Variants in TEX15 observed in about 807,000 individuals in gnomAD.
The protein encoded by TEX15 is testis-expressed protein 15.
TEX15 carries 171 observed loss-of-function variants against 237.3 expected under a neutral mutation model. The ratio of observed to expected loss-of-function variants is 0.72; its 90% CI spans 0.64 to 0.82. TEX15 has a LOEUF of 0.82. Among genes scored for constraint, TEX15 ranks in the 40% least tolerant of loss-of-function variants. The pLI is 0.00. For missense variants in TEX15, 3,750 were observed against 3,646.5 expected (o/e 1.03, Z -0.73); for synonymous variants, 1,338 against 1,269.8 (o/e 1.05, Z -1.14).
intron 9 of TEX15, among the ~76,000 whole-genome samples, chr8:30,838,270 T>A (rs895289271): frequency 5.9e-5 from 9 of 152,180 alleles, no homozygotes; most frequent in Middle Eastern, 3.2e-3. Context: ...GATGATATGC[T>A]CTACATTTTA....
At chr8:30,881,610 C>T (rs1453024046) in intron 3 of TEX15, among the ~76,000 whole-genome samples, 6 of 109,456 alleles carry the variant, frequency 5.5e-5, no homozygotes, top group African/African-American at 2.6e-4. Context: ...TCCATCTTGA[C>T]TTTTTATTTT....
intron 4 of TEX15, among the ~76,000 whole-genome samples, chr8:30,869,321 G>A (rs1311826933): frequency 4.0e-5 from 6 of 151,880 alleles, no homozygotes; most frequent in Admixed American, 1.3e-4. Flanking sequence ...TTGAAACTGT[G>A]CCCCCAAGAA....
At chr8:30,838,906 C>T (rs1807381423) in intron 9 of TEX15, among the ~76,000 whole-genome samples, 1 of 149,654 alleles carries the variant, frequency 6.7e-6, no homozygotes, top group South Asian at 2.1e-4. Context: ...ACCTCCGCCT[C>T]CCAAGTTCAA....
intron 3 of TEX15, among the ~76,000 whole-genome samples, chr8:30,878,902 C>T (rs1377887900): frequency 6.6e-6 from 1 of 152,180 alleles, no homozygotes; most frequent in Non-Finnish European, 1.5e-5. Context: ...AATGGCAATA[C>T]ACAAGTGAGT....
At chr8:30,889,182 T>A (rs1808730284) in intron 2 of TEX15, among the ~76,000 whole-genome samples, 2 of 152,216 alleles carry the variant, frequency 1.3e-5, no homozygotes. Flanking sequence ...ATACTGTCTT[T>A]AACTACAGTT....
intron 10 of TEX15, 77 bp downstream of exon 10, chr8:30,836,726 T>G (rs1163868520): frequency 3.1e-6 from 4 of 1,292,948 alleles, no homozygotes; most frequent in Non-Finnish European, 4.3e-6. Flanking sequence ...CATCACTTAC[T>G]GTGAATTTCA....
chr8:30,870,572 AAAATT>A (rs1235390314), intron 4 of TEX15, among the ~76,000 whole-genome samples: 2 of 152,112 alleles, frequency 1.3e-5, no homozygotes, highest in Admixed American at 6.6e-5. Flanking sequence ...CAAAGAAAAT[AAAATT>A]ATTTCTTTGG....
rs750747189 is a variant in TEX15 at position 30,843,374 on chromosome 8, A to G, written c.6793T>C (p.Tyr2265His). 1 of 1,612,936 alleles carries G rather than the reference A, an allele frequency of 6.2e-7. No individual in the cohort carries two copies. The highest frequency in any genetic ancestry group is 8.5e-7 in the Non-Finnish European group (1 of 1,179,680). The stretch of plus-strand genomic sequence containing the variant: ...TCAAAAAAGATATGTTCCAGACCAT[A>G]AAGAGATATTTTAACACGTACTGCC... ...NEAVRVKISL[Y>H]GLEHIFFDAA... The change falls in exon 8 of 11, where the codon TAT (tyrosine) becomes CAT (histidine). Residue 2265 changes from tyrosine (Y) to histidine (H), a missense_variant. Coordinates refer to ENST00000643185, the MANE Select transcript of TEX15 (RefSeq NM_001350162.2).
In TEX15 at chr8:30,867,457, T is replaced by C; in HGVS notation, c.348A>G (p.Glu116=). The change falls in exon 5 of 11, where the codon GAA becomes GAG. Residue 116 remains glutamate (E), a synonymous_variant. Transcript: ENST00000643185. The part of the protein sequence containing the change: ...ESGRHCRELE[E]QFCFLALPQS... The stretch of plus-strand genomic sequence containing the variant: ...GGGGAAGTGCTAAAAAGCAGAACTG[T>C]TCTTCAAGTTCCCTGCAATGTCTTC... 2 of 1,534,666 alleles carry C rather than the reference T, an allele frequency of 1.3e-6. No individual in the cohort carries two copies. Among genetic ancestry groups the C allele is most frequent in the Non-Finnish European group, 1.7e-6 (2 of 1,145,932 alleles).
intron 1 of TEX15, among the ~76,000 whole-genome samples, chr8:30,901,573 T>C (rs554082135): frequency 1.6e-3 from 245 of 152,296 alleles, no homozygotes; most frequent in African/African-American, 5.4e-3. Context: ...GGAAATTGTA[T>C]GGGAGTACAG....
rs748586725 is a variant in TEX15 at position 30,846,871 on chromosome 8, C to G, written c.3296G>C (p.Arg1099Pro). ...TGCTAACAGACCTTCCCAACTGATA[C>G]GAGACTTCAGAGCCTTATATGAGGT... ...FVTSYKALKS[R>P]ISWEGLLALD... Residue 1099 changes from arginine to proline, a missense_variant, in exon 8 of 11, where the codon CGT becomes CCT. Coordinates refer to ENST00000643185, the MANE Select transcript of TEX15 (RefSeq NM_001350162.2). The G allele has an allele frequency of 1.2e-6, 2 of 1,613,842 alleles. No homozygotes were observed. Among genetic ancestry groups the G allele is most frequent in the Non-Finnish European group, 1.7e-6 (2 of 1,179,820 alleles).
At chr8:30,868,846 G>T (rs1808229634) in intron 4 of TEX15, among the ~76,000 whole-genome samples, 1 of 150,584 alleles carries the variant, frequency 6.6e-6, no homozygotes. Flanking sequence ...GTGGCACCAG[G>T]GATATTTTGG....
chr8:30,908,304 C>T (rs1399670731), intron 1 of TEX15, among the ~76,000 whole-genome samples: 1 of 152,154 alleles, frequency 6.6e-6, no homozygotes, highest in East Asian at 1.9e-4. Context: ...AAGCGATCCT[C>T]CTGCCTCGGC....
intron 5 of TEX15, among the ~76,000 whole-genome samples, chr8:30,865,049 T>A (rs1472487485): frequency 6.6e-6 from 1 of 151,924 alleles, no homozygotes; most frequent in Non-Finnish European, 1.5e-5. Flanking sequence ...ACTTTGTTTT[T>A]AAAAAAACAA....
At chr8:30,908,613 A>G (rs1809157074) in intron 1 of TEX15, among the ~76,000 whole-genome samples, 1 of 152,216 alleles carries the variant, frequency 6.6e-6, no homozygotes, top group Non-Finnish European at 1.5e-5. Flanking sequence ...ACAAGGTACA[A>G]TAATTGTGGA....
rs747227202 is a variant in TEX15, at chr8:30,843,129, T to G, written c.7038A>C (p.Pro2346=). ...TIIASRKSDH[P]INEATISIEN... is the part of the protein sequence containing the mutation. ...CTATGCTAATTGTTGCTTCGTTTAT[T>G]GGATGATCTGACTTTCTGGAAGCAA... The change falls in exon 8 of 11, where the codon CCA becomes CCC. Residue 2346 remains proline, a synonymous_variant. Transcript: ENST00000643185. The G allele has an allele frequency of 1.2e-6, 2 of 1,613,014 alleles. No individual in the cohort carries two copies. Among genetic ancestry groups the G allele is most frequent in the Non-Finnish European group, 1.7e-6 (2 of 1,179,530 alleles).
At chr8:30,874,155 A>C (rs1410240574) in intron 4 of TEX15, among the ~76,000 whole-genome samples, 1 of 152,156 alleles carries the variant, frequency 6.6e-6, no homozygotes, top group African/African-American at 2.4e-5. Flanking sequence ...ATTAATTCCA[A>C]ATCTCCAGAC....
At chr8:30,886,152 G>A (rs925819801) in intron 3 of TEX15, among the ~76,000 whole-genome samples, 2 of 152,120 alleles carry the variant, frequency 1.3e-5, no homozygotes, top group Non-Finnish European at 2.9e-5. Flanking sequence ...GGTCAACTGG[G>A]GCATTTTTAT....
chr8:30,910,488 G>A (rs1809194303), intron 1 of TEX15, among the ~76,000 whole-genome samples: 2 of 151,966 alleles, frequency 1.3e-5, no homozygotes, highest in Non-Finnish European at 2.9e-5. Flanking sequence ...TGACTCTGTT[G>A]CCCAGGACTG....
Sources: allele counts gnomAD v4.1 joint callset (sites outside exome capture counted in the v4.1 genomes callset), GRCh38; gene constraint gnomAD v4.1.1; transcripts MANE v1.5; gene names NCBI Gene and HGNC (gene_info 2026-07-23, HGNC 2026-07-21).